NOL9: variants seen among roughly 807,000 people sequenced by gnomAD.
NOL9 encodes the protein polynucleotide 5'-hydroxyl-kinase NOL9.
In NOL9, 28 loss-of-function variants were observed where a neutral mutation model predicts 67.9. That is an observed-to-expected ratio of 0.41 (90% confidence interval 0.31 to 0.57). The LOEUF (loss-of-function observed/expected upper bound fraction) is 0.57. Among genes scored for constraint, NOL9 ranks in the 20% least tolerant of loss-of-function variants. The probability of loss-of-function intolerance (pLI) is 0.25; values close to 1 mark genes in which losing one functional copy is unlikely to be tolerated. For synonymous variants in NOL9, 356 were observed against 352.2 expected (o/e 1.01, Z -0.12); for missense variants, 777 against 897.0 (o/e 0.87, Z 1.71).
intron 2 of NOL9, among the ~76,000 whole-genome samples, chr1:6,550,134 C>A (rs543120458): frequency 5.3e-5 from 8 of 152,070 alleles, no homozygotes; most frequent in African/African-American, 7.2e-5. Flanking sequence ...CGGGTTCAAG[C>A]GATTCTCCTG....
At chr1:6,534,495 TC>T (rs1480197364) in intron 6 of NOL9, among the ~76,000 whole-genome samples, 2 of 152,066 alleles carry the variant, frequency 1.3e-5, no homozygotes, top group African/African-American at 4.8e-5. Context: ...GCAAGGCCAC[TC>T]AACCGTCAGA....
Position 6,554,243 on chromosome 1 carries a change from G to C in NOL9, c.260C>G (p.Pro87Arg). Residue 87 changes from proline to arginine, a missense_variant, in exon 1 of 12, where the codon CCT becomes CGT. Transcript: ENST00000377705. ...RPNTATPSPI[P>R]SPTPASEPES... ...GGGTTCGGAGGCCGGGGTCGGGCTA[G>C]GGATCGGGCTGGGGGTCGCGGTGTT... 1.3e-6 allele frequency: 2 copies of C among 1,506,042 alleles called. No homozygotes were observed. Among genetic ancestry groups the C allele is most frequent in the East Asian group, 2.8e-5 (1 of 35,838 alleles). 93.3% of individuals were successfully genotyped at this position (1,506,042 alleles called of 1,614,324 possible). A position where few individuals can be genotyped will look rare whatever the true frequency, so the allele number is the denominator to read the frequency against.
In NOL9 at chr1:6,545,117, T is replaced by G; in HGVS notation, c.808A>C (p.Lys270Gln). The G allele has an allele frequency of 6.2e-7, 1 of 1,614,186 alleles. No homozygotes were observed. The highest frequency in any genetic ancestry group is 8.5e-7 in the Non-Finnish European group (1 of 1,180,024). Residue 270 changes from lysine (K) to glutamine (Q), a missense_variant, in exon 4 of 12, where the codon AAA becomes CAA. This residue lies in a region of NOL9 where 413 missense variants were observed against 552.6 expected (regional missense o/e 0.75). Transcript: ENST00000377705. ...ALRSVGIRRE[K>Q]KRKGLQLTES... ...GTTAACTGAAGGCCTTTCCTTTTTT[T>G]CTCTCTTCTGATGCCAACAGACCTC...
At chr1:6,537,415 GA>G (rs1057290387) in intron 6 of NOL9, among the ~76,000 whole-genome samples, 9 of 152,008 alleles carry the variant, frequency 5.9e-5, no homozygotes, top group African/African-American at 2.2e-4. Flanking sequence ...CATAACAAAG[GA>G]AAAAATTCCA....
In NOL9 at chr1:6,537,809, G is replaced by C. The variant is rs759771164; in HGVS notation, c.1075+4021C>G. On this transcript the variant is annotated intron_variant, in intron 6 of 11. Coordinates refer to ENST00000377705, the MANE Select transcript of NOL9 (RefSeq NM_024654.5). ...TATATGAAAATATTAATTCAAAATGGATCAAAAACCTAAACTTAAGAGTAA... is the reference window on the plus strand; with the variant it reads ...TATATGAAAATATTAATTCAAAATGCATCAAAAACCTAAACTTAAGAGTAA... Among the ~76,000 whole-genome samples the C allele has an allele frequency of 5.3e-4, 81 of 151,850 alleles. 1 individual carries two copies. Among genetic ancestry groups the C allele is most frequent in the South Asian group, 1.9e-3 (9 of 4,818 alleles).
At chr1:6,533,494 G>T (rs1399600567) in intron 6 of NOL9, 53 bp from the exon 7 acceptor site, 11 of 1,363,684 alleles carry the variant, frequency 8.1e-6, no homozygotes, top group East Asian at 2.5e-5. Context: ...ATCAATCCTG[G>T]CTACTTAAAA....
intron 6 of NOL9, among the ~76,000 whole-genome samples, chr1:6,536,190 CAA>C (rs34862074): frequency 0.81 from 122,082 of 151,232 alleles, 50,088 homozygotes; most frequent in Non-Finnish European, 0.87. Flanking sequence ...ACTAAAAATG[CAA>C]AAAATTAGCC....
rs1005102145 is a variant in NOL9, at chr1:6,523,249, A to C, written c.*2605T>G. The stretch of plus-strand genomic sequence containing the variant: ...CCATAACAGACTGTGGAAATGATAA[A>C]AAGTCCAATCTTGTCCTTCTTCTAA... On this transcript the variant is annotated 3_prime_UTR_variant, in exon 12 of 12. Transcript: ENST00000377705. 1 of 152,120 alleles carries C rather than the reference A, an allele frequency of 6.6e-6. No individual in the cohort carries two copies. The highest frequency in any genetic ancestry group is 1.5e-5 in the Non-Finnish European group (1 of 68,018). 9.4% of individuals were successfully genotyped at this position (152,120 alleles called of 1,614,324 possible).
At chr1:6,544,996 T>TG (rs1639388527) in intron 4 of NOL9, 49 bp downstream of exon 4, 1 of 1,613,940 alleles carries the variant, frequency 6.2e-7, no homozygotes, top group Admixed American at 1.7e-5. Flanking sequence ...AATCTTCCTC[T>TG]GGGGGTCTGG....
chr1:6,531,680 G>A (rs998125716), intron 9 of NOL9, among the ~76,000 whole-genome samples: 19 of 152,074 alleles, frequency 1.2e-4, no homozygotes, highest in African/African-American at 4.3e-4. Flanking sequence ...AACCCAGCAC[G>A]GACCCACACT....
At position 6,522,138 on chromosome 1, in the gene NOL9, G is replaced by C. The variant is rs1638783620; in HGVS notation, c.*3716C>G. 2.6e-5 allele frequency: 4 copies of C among 152,104 alleles called. No homozygotes were observed. The highest frequency in any genetic ancestry group is 2.6e-4 in the Admixed American group (4 of 15,246). The allele number at this position is 152,104 out of a possible 1,614,324, so 9.4% of individuals were successfully genotyped here. A position where few individuals can be genotyped will look rare whatever the true frequency, so the allele number is the denominator to read the frequency against. On this transcript the variant is annotated 3_prime_UTR_variant, in exon 12 of 12. Coordinates refer to ENST00000377705, the MANE Select transcript of NOL9 (RefSeq NM_024654.5). ...AGGTGGACGGATCACGAGGTCAGGAGCTCGAGACCAGCCTAGCCAACATAG... is the reference window on the plus strand; with the variant it reads ...AGGTGGACGGATCACGAGGTCAGGACCTCGAGACCAGCCTAGCCAACATAG...
chr1:6,536,955 T>A (rs922267736), intron 6 of NOL9, among the ~76,000 whole-genome samples: 96 of 152,120 alleles, frequency 6.3e-4, no homozygotes, highest in African/African-American at 2.3e-3. Flanking sequence ...TGCGGTGAGC[T>A]ATGATTGTGC....
rs1312573850 is a variant in NOL9, at chr1:6,554,206, G to A, written c.297C>T (p.Pro99=). The stretch of plus-strand genomic sequence containing the variant: ...GGCAACTCGAGGCGGATTCGAGTTC[G>A]GGTTCGGACTCGGGTTCGGAGGCCG... ...PTPASEPESE[P]ELESASSCHR... The change falls in exon 1 of 12, where the codon CCC becomes CCT. Residue 99 remains proline (P), a synonymous_variant. Transcript: ENST00000377705. 13 of 1,520,862 alleles carry A rather than the reference G, an allele frequency of 8.5e-6. No homozygotes were observed. The highest frequency in any genetic ancestry group is 1.1e-5 in the Non-Finnish European group (13 of 1,133,444). 94.2% of individuals were successfully genotyped at this position (1,520,862 alleles called of 1,614,324 possible). A position where few individuals can be genotyped will look rare whatever the true frequency, so the allele number is the denominator to read the frequency against.
chr1:6,552,591 C>A (rs10779794), intron 1 of NOL9, among the ~76,000 whole-genome samples: 18 of 151,474 alleles, frequency 1.2e-4, no homozygotes, highest in Non-Finnish European at 2.4e-4. Context: ...TCTCAAACTC[C>A]TGACCTCAGG....
intron 5 of NOL9, among the ~76,000 whole-genome samples, chr1:6,543,253 C>T (rs919458836): frequency 6.7e-6 from 1 of 149,484 alleles, no homozygotes; most frequent in African/African-American, 2.5e-5. Context: ...TGGAGTGCAG[C>T]GGCACCATCT....
At chr1:6,526,632 C>T (rs2148647931) in intron 11 of NOL9, 64 bp downstream of exon 11, 4 of 1,501,306 alleles carry the variant, frequency 2.7e-6, no homozygotes, top group Middle Eastern at 2.0e-4. Context: ...GACCCTACTT[C>T]AGCTCCTCAC....
intron 10 of NOL9, 61 bp from the exon 11 acceptor site, chr1:6,526,890 G>T: frequency 6.6e-7 from 1 of 1,506,170 alleles, no homozygotes; most frequent in Non-Finnish European, 8.9e-7. Context: ...CTTCTCCATC[G>T]TTAGAAACTG....
intron 2 of NOL9, 151 bp downstream of exon 2, chr1:6,550,245 A>C: frequency 1.6e-6 from 1 of 623,114 alleles, no homozygotes; most frequent in Non-Finnish European, 2.8e-6. Flanking sequence ...CTTAGCCAGG[A>C]TGGTCTCGAT....
At chr1:6,553,995 G>C in intron 1 of NOL9, 112 bp downstream of exon 1, 7 of 847,990 alleles carry the variant, frequency 8.3e-6, no homozygotes, top group Non-Finnish European at 1.2e-5. Flanking sequence ...CCGACTGGCA[G>C]CCAGAGAACA....
Sources: allele counts gnomAD v4.1 joint callset (sites outside exome capture counted in the v4.1 genomes callset), GRCh38; gene constraint gnomAD v4.1.1; regional missense constraint gnomAD v4.1.1; transcripts MANE v1.5; gene names NCBI Gene and HGNC (gene_info 2026-07-23, HGNC 2026-07-21).